The following STK3 variants were observed in gnomAD, a reference collection of about 807,000 sequenced individuals.
STK3 encodes the protein serine/threonine kinase 3.
Under a neutral mutation model 58.0 loss-of-function variants are expected in STK3, and 41 were observed. The ratio of observed to expected loss-of-function variants is 0.71; its 90% CI spans 0.55 to 0.92. The LOEUF (loss-of-function observed/expected upper bound fraction) is 0.92. Ranked by LOEUF, STK3 falls within the 40% of genes least tolerant of loss-of-function variation. STK3 has a pLI of 0.00. For synonymous variants in STK3, 170 were observed against 191.0 expected (o/e 0.89, Z 0.91); for missense variants, 479 against 602.7 (o/e 0.79, Z 2.15).
intron 1 of STK3, among the ~76,000 whole-genome samples, chr8:98,780,494 C>T (rs916964205): frequency 2.0e-5 from 3 of 152,114 alleles, no homozygotes; most frequent in Non-Finnish European, 4.4e-5. Context: ...ACAAAGGAAA[C>T]TAGCCCTTTT....
At chr8:98,579,537 T>C in intron 8 of STK3, 127 bp downstream of exon 8, 1 of 1,168,556 alleles carries the variant, frequency 8.6e-7, no homozygotes, top group Non-Finnish European at 1.2e-6. Context: ...AAATATATTT[T>C]GAGATTCAAT....
At chr8:98,923,644 C>G (rs1325510598) in intron 1 of STK3, among the ~76,000 whole-genome samples, 1 of 152,056 alleles carries the variant, frequency 6.6e-6, no homozygotes, top group Non-Finnish European at 1.5e-5. Context: ...ACCCAGAAGC[C>G]CACAGTACAA....
chr8:98,747,886 G>T (rs1320342432), intron 4 of STK3, among the ~76,000 whole-genome samples: 2 of 152,128 alleles, frequency 1.3e-5, no homozygotes, highest in Admixed American at 1.3e-4. Flanking sequence ...ATGCTCAGTG[G>T]ACTGTGTCTT....
chr8:98,707,143 T>A lies in STK3; in HGVS notation c.516+4A>T. 1 of 1,598,118 alleles carries A rather than the reference T, an allele frequency of 6.3e-7. No individual in the cohort carries two copies. The highest frequency in any genetic ancestry group is 8.5e-7 in the Non-Finnish European group (1 of 1,176,102). Reference sequence around the variant, plus strand: ...TGTTTAGAAAACCATTAAAGTTAACTTACTGTTAACTGACCAGCCACTCCA... The same window carrying A: ...TGTTTAGAAAACCATTAAAGTTAACATACTGTTAACTGACCAGCCACTCCA... On this transcript the variant is annotated splice_donor_region_variant and intron_variant, in intron 5 of 10. Coordinates refer to ENST00000419617, the MANE Select transcript of STK3 (RefSeq NM_006281.4).
chr8:98,648,702 GC>G (rs1210890085), intron 6 of STK3, among the ~76,000 whole-genome samples: 5 of 152,076 alleles, frequency 3.3e-5, no homozygotes, highest in African/African-American at 1.2e-4. Flanking sequence ...AGCCAGTCTG[GC>G]CAATATGGTG....
intron 1 of STK3, among the ~76,000 whole-genome samples, chr8:98,914,589 T>C (rs1198375585): frequency 1.3e-5 from 2 of 152,192 alleles, no homozygotes; most frequent in African/African-American, 2.4e-5. Flanking sequence ...CTGGGTTTCA[T>C]GTTGCCGCTA....
intron 1 of STK3, among the ~76,000 whole-genome samples, chr8:98,444,288 A>T (rs16897004): frequency 0.01 from 1,524 of 152,304 alleles, 28 homozygotes; most frequent in African/African-American, 0.035. Context: ...AGCTAGGCAG[A>T]TGTAGGTCAC....
At chr8:98,361,824 C>A in the STK3 span, among the ~76,000 whole-genome samples, 1 of 152,194 alleles carries the variant, frequency 6.6e-6, no homozygotes, top group African/African-American at 2.4e-5. Flanking sequence ...GCTGCAGGGA[C>A]AGGCCTTCAA....
At position 98,637,765 on chromosome 8, in the gene STK3, G is replaced by C. The variant is rs955288093; in HGVS notation, c.685-41596C>G. Among the ~76,000 whole-genome samples the C allele has an allele frequency of 2.0e-5, 3 of 152,040 alleles. No homozygotes were observed. The South Asian group carries it at 6.2e-4, about 32-fold the overall frequency. On this transcript the variant is annotated intron_variant, in intron 6 of 10. Coordinates refer to ENST00000419617, the MANE Select transcript of STK3 (RefSeq NM_006281.4). ...CAGTTTTAAATGAGCAAATGAAACT[G>C]ATAATTTAGCTGACACAAACCCACA...
At chr8:98,751,839 G>A (rs1439773434) in intron 3 of STK3, among the ~76,000 whole-genome samples, 2 of 151,952 alleles carry the variant, frequency 1.3e-5, no homozygotes, top group Non-Finnish European at 2.9e-5. Flanking sequence ...ACTTAGGAGG[G>A]TGAGGCAGGA....
chr8:98,920,696 G>T (rs915217941), intron 1 of STK3, among the ~76,000 whole-genome samples: 2 of 151,888 alleles, frequency 1.3e-5, no homozygotes, highest in Non-Finnish European at 2.9e-5. Flanking sequence ...CCATGCTCCT[G>T]TGCTGGCCTA....
At chr8:98,415,550 A>T (rs562327907) in intron 3 of STK3, among the ~76,000 whole-genome samples, 10 of 152,156 alleles carry the variant, frequency 6.6e-5, no homozygotes, top group Non-Finnish European at 1.3e-4. Flanking sequence ...CTTCCCACTC[A>T]TGGATGTGCC....
chr8:98,375,866 T>C (rs1747954851), intron 2 of STK3, among the ~76,000 whole-genome samples: 2 of 152,242 alleles, frequency 1.3e-5, no homozygotes. Flanking sequence ...AAGGTACTTA[T>C]TATATGATAT....
At chr8:98,448,881 T>C (rs1056435277) in intron 1 of STK3, among the ~76,000 whole-genome samples, 7 of 152,214 alleles carry the variant, frequency 4.6e-5, no homozygotes. Context: ...TATCCTTCTC[T>C]TTCTATAGAA....
At chr8:98,345,178 G>C in the STK3 span, among the ~76,000 whole-genome samples, 5 of 151,966 alleles carry the variant, frequency 3.3e-5, no homozygotes, top group South Asian at 1.0e-3. Context: ...GCCTGAAGTG[G>C]TTTGAGATCT....
At chr8:98,827,513 T>C (rs1019050952), upstream of STK3, among the ~76,000 whole-genome samples, 1 of 152,210 alleles carries the variant, frequency 6.6e-6, no homozygotes, top group Non-Finnish European at 1.5e-5. Context: ...ACAAGTTTAG[T>C]TTAGTCCTCT....
chr8:98,869,219 G>A (rs147681826), intron 3 of STK3, among the ~76,000 whole-genome samples: 1,706 of 152,198 alleles, frequency 0.011, 43 homozygotes, highest in African/African-American at 0.039. Flanking sequence ...CCAGGAGTTC[G>A]AGGCCAGCCT....
chr8:98,554,987 A>T (rs777776958), intron 8 of STK3, among the ~76,000 whole-genome samples: 3 of 152,170 alleles, frequency 2.0e-5, no homozygotes, highest in Non-Finnish European at 4.4e-5. Context: ...GGTCTGCAGA[A>T]CAGATGCTTC....
At chr8:98,429,465 C>T in intron 3 of STK3, 3 of 1,345,972 alleles carry the variant, frequency 2.2e-6, no homozygotes, top group Non-Finnish European at 3.1e-6. Flanking sequence ...CCTCTTGTGC[C>T]TCTGGCACAG....
Sources: allele counts gnomAD v4.1 joint callset (sites outside exome capture counted in the v4.1 genomes callset), GRCh38; gene constraint gnomAD v4.1.1; transcripts MANE v1.5; gene names NCBI Gene and HGNC (gene_info 2026-07-23, HGNC 2026-07-21).